EFL1: variants seen among roughly 807,000 people sequenced by gnomAD.
EFL1 encodes the protein elongation factor-like GTPase 1.
Under a neutral mutation model 126.7 loss-of-function variants are expected in EFL1, and 76 were observed. The observed-to-expected ratio is 0.60, with a 90% CI of 0.50 to 0.73. EFL1 has a LOEUF of 0.73. Ranked by LOEUF, EFL1 falls within the 30% of genes least tolerant of loss-of-function variation. The pLI is 0.00. For synonymous variants in EFL1, 410 were observed against 448.4 expected (o/e 0.91, Z 1.08); for missense variants, 1,128 against 1,343.2 (o/e 0.84, Z 2.50).
chr15:82,132,051 A>G (rs2073654135), intron 19 of EFL1, among the ~76,000 whole-genome samples: 1 of 152,198 alleles, frequency 6.6e-6, no homozygotes, highest in Non-Finnish European at 1.5e-5. Context: ...GGACCAAGAT[A>G]ATAAAATAAT....
intron 12 of EFL1, among the ~76,000 whole-genome samples, chr15:82,223,818 CAGTT>C (rs997285813): frequency 3.9e-5 from 6 of 152,302 alleles, no homozygotes; most frequent in African/African-American, 9.6e-5. Context: ...CTTACTTACT[CAGTT>C]AGCCACTCAT....
At chr15:82,151,177 G>A (rs1041103524) in intron 18 of EFL1, among the ~76,000 whole-genome samples, 1 of 152,252 alleles carries the variant, frequency 6.6e-6, no homozygotes. Flanking sequence ...TTGAACTCAG[G>A]AGTTCGAGAC....
At chr15:82,216,138 A>G (rs1187402511) in intron 14 of EFL1, among the ~76,000 whole-genome samples, 1 of 152,222 alleles carries the variant, frequency 6.6e-6, no homozygotes, top group Non-Finnish European at 1.5e-5. Flanking sequence ...GTGTATTTAA[A>G]ATGATTTTTA....
intron 14 of EFL1, among the ~76,000 whole-genome samples, chr15:82,217,479 A>G (rs2074662535): frequency 6.6e-6 from 1 of 151,986 alleles, no homozygotes; most frequent in Admixed American, 6.6e-5. Flanking sequence ...CACACTGAAC[A>G]ATAAACGAGC....
At chr15:82,230,405 C>T (rs1379421487) in intron 8 of EFL1, among the ~76,000 whole-genome samples, 1 of 132,262 alleles carries the variant, frequency 7.6e-6, no homozygotes, top group Non-Finnish European at 1.7e-5. Flanking sequence ...TCAGGGAGCA[C>T]CCACCTCTCC....
At chr15:82,247,100 G>T (rs546133347) in intron 4 of EFL1, among the ~76,000 whole-genome samples, 1 of 152,140 alleles carries the variant, frequency 6.6e-6, no homozygotes, top group African/African-American at 2.4e-5. Flanking sequence ...AGCAGGAAAT[G>T]AATGAAGAAA....
intron 12 of EFL1, among the ~76,000 whole-genome samples, chr15:82,221,391 C>T (rs1262197748): frequency 1.3e-5 from 2 of 152,146 alleles, no homozygotes; most frequent in Non-Finnish European, 2.9e-5. Context: ...ACCCTTAGGG[C>T]TCCTGATGCA....
At position 82,180,359 on chromosome 15, in the gene EFL1, C is replaced by CAA. The variant is rs71156028; in HGVS notation, c.1751-16377_1751-16376dup. On this transcript the variant is annotated intron_variant, in intron 15 of 19. Coordinates refer to ENST00000268206, the MANE Select transcript of EFL1 (RefSeq NM_024580.6). ...GAAGCAGTAACTGCGATTAAACTGG[C>CAA]AAAAAAAAAAAAACAAAAAAAAAAC... 3.0e-3 allele frequency among the ~76,000 whole-genome samples: 356 copies of CAA among 120,460 alleles called. 5 individuals carry two copies. The highest frequency in any genetic ancestry group is 6.6e-3 in the East Asian group (27 of 4,120). 79.0% of individuals were successfully genotyped at this position (120,460 alleles called of 152,430 possible).
At chr15:82,190,075 C>T (rs1375688875) in intron 15 of EFL1, among the ~76,000 whole-genome samples, 1 of 150,198 alleles carries the variant, frequency 6.7e-6, no homozygotes, top group Non-Finnish European at 1.5e-5. Context: ...CAAGATCACG[C>T]ACTCCAGCCT....
intron 6 of EFL1, among the ~76,000 whole-genome samples, chr15:82,240,168 T>G (rs1305469301): frequency 5.9e-5 from 9 of 152,236 alleles, no homozygotes; most frequent in Non-Finnish European, 2.9e-5. Flanking sequence ...GGCTTCACTT[T>G]GGAACCAAGA....
At chr15:82,247,750 G>C (rs2141334119) in intron 4 of EFL1, among the ~76,000 whole-genome samples, 1 of 152,134 alleles carries the variant, frequency 6.6e-6, no homozygotes, top group Non-Finnish European at 1.5e-5. Flanking sequence ...AGTAAGTTTT[G>C]GTAAGGAAGG....
At chr15:82,255,118 A>T (rs1278914262) in intron 3 of EFL1, among the ~76,000 whole-genome samples, 2 of 152,210 alleles carry the variant, frequency 1.3e-5, no homozygotes, top group Non-Finnish European at 2.9e-5. Flanking sequence ...AAATTGTTGG[A>T]CTGATCCACA....
intron 18 of EFL1, among the ~76,000 whole-genome samples, chr15:82,142,229 G>A (rs1433594298): frequency 1.3e-5 from 2 of 152,330 alleles, no homozygotes; most frequent in East Asian, 3.9e-4. Context: ...AGTTGGTTGA[G>A]TACAGCGGCT....
chr15:82,205,123 C>A (rs567872396), intron 15 of EFL1, among the ~76,000 whole-genome samples: 1 of 152,154 alleles, frequency 6.6e-6, no homozygotes, highest in Admixed American at 6.5e-5. Flanking sequence ...GATGGTCTCA[C>A]GAGCATTTCC....
At chr15:82,215,975 ACTGT>A (rs1595988208) in intron 14 of EFL1, among the ~76,000 whole-genome samples, 1 of 152,182 alleles carries the variant, frequency 6.6e-6, no homozygotes, top group Non-Finnish European at 1.5e-5. Context: ...ACACAATATG[ACTGT>A]CCACTTAAAA....
rs1288762427 is a variant in EFL1, at chr15:82,160,408, C to T, written c.1883-2548G>A. Reference sequence around the variant, plus strand: ...TATGAAAAATAAGTGTTGTTTCAAGCCACTAAATTTTGAAGCAATATGTTA... The same window carrying T: ...TATGAAAAATAAGTGTTGTTTCAAGTCACTAAATTTTGAAGCAATATGTTA... On this transcript the variant is annotated intron_variant, in intron 16 of 19. Transcript: ENST00000268206. Among the ~76,000 whole-genome samples the T allele has an allele frequency of 2.0e-5, 3 of 152,138 alleles. No individual in the cohort carries two copies. The East Asian group carries it at 5.8e-4, about 29-fold the overall frequency.
chr15:82,215,466 A>G (rs1195752440), intron 14 of EFL1: 2 of 152,168 alleles, frequency 1.3e-5, no homozygotes, highest in African/African-American at 4.8e-5. Flanking sequence ...GCAAAAATAT[A>G]CAAGTACAAG....
intron 8 of EFL1, among the ~76,000 whole-genome samples, chr15:82,229,428 C>T (rs185915718): frequency 0.049 from 7,397 of 152,188 alleles, 308 homozygotes; most frequent in African/African-American, 0.12. Context: ...TCTGCACATG[C>T]GGGCTCTTTC....
At chr15:82,187,080 T>C (rs1342631437) in intron 15 of EFL1, among the ~76,000 whole-genome samples, 1 of 152,254 alleles carries the variant, frequency 6.6e-6, no homozygotes, top group Non-Finnish European at 1.5e-5. Flanking sequence ...TTATCCATTT[T>C]AAAGAGTAAT....
Sources: gnomAD v4.1 joint callset for allele counts (sites outside exome capture counted in the v4.1 genomes callset) on GRCh38, gnomAD v4.1.1 for gene constraint, MANE v1.5 for transcripts, NCBI Gene and HGNC (gene_info 2026-07-23, HGNC 2026-07-21) for gene names.